Variants in PDZRN4 observed in about 807,000 individuals in gnomAD.
The protein encoded by PDZRN4 is PDZ domain containing ring finger 4, also known as PDZ domain-containing RING finger protein 4.
A neutral mutation model predicts 99.0 loss-of-function variants in PDZRN4; 70 were observed. That is an observed-to-expected ratio of 0.71 (90% confidence interval 0.58 to 0.86). The LOEUF (loss-of-function observed/expected upper bound fraction) is 0.86. Among genes scored for constraint, PDZRN4 ranks in the 40% least tolerant of loss-of-function variants. PDZRN4 has a pLI of 0.00. For missense variants in PDZRN4, 1,474 were observed against 1,331.2 expected (o/e 1.11, Z -1.67); for synonymous variants, 551 against 501.6 (o/e 1.10, Z -1.32).
chr12:41,348,613 G>T (rs1351445425), intron 3 of PDZRN4, among the ~76,000 whole-genome samples: 4 of 152,092 alleles, frequency 2.6e-5, no homozygotes, highest in African/African-American at 7.2e-5. Context: ...TTGAATACAT[G>T]TCTTTTTAAT....
intron 3 of PDZRN4, among the ~76,000 whole-genome samples, chr12:41,405,984 A>C (rs891524997): frequency 1.3e-5 from 2 of 152,054 alleles, no homozygotes; most frequent in African/African-American, 4.8e-5. Context: ...GGGTTGAAAA[A>C]CTACCTGTTG....
chr12:41,370,178 T>C (rs1312044178), intron 3 of PDZRN4, among the ~76,000 whole-genome samples: 5 of 151,974 alleles, frequency 3.3e-5, no homozygotes, highest in Non-Finnish European at 7.4e-5. Context: ...TTTGCACTTA[T>C]TGTTGCTTCT....
intron 5 of PDZRN4, among the ~76,000 whole-genome samples, chr12:41,528,151 G>A (rs1443336239): frequency 6.6e-6 from 1 of 152,124 alleles, no homozygotes; most frequent in Non-Finnish European, 1.5e-5. Context: ...CATGGATGGT[G>A]TCTGAGGAAT....
chr12:41,205,078 GA>G (rs1374549801), intron 3 of PDZRN4, among the ~76,000 whole-genome samples: 1 of 151,772 alleles, frequency 6.6e-6, no homozygotes, highest in Admixed American at 6.6e-5. Flanking sequence ...AGAAGAAAAT[GA>G]AATAAAATGA....
chr12:41,495,145 G>C (rs1937971849), intron 3 of PDZRN4, among the ~76,000 whole-genome samples: 1 of 152,094 alleles, frequency 6.6e-6, no homozygotes, highest in Non-Finnish European at 1.5e-5. Context: ...ATGTGTGTGT[G>C]TGTGAAAAAG....
chr12:41,267,710 G>A (rs532665515), intron 3 of PDZRN4, among the ~76,000 whole-genome samples: 20 of 151,814 alleles, frequency 1.3e-4, no homozygotes, highest in African/African-American at 4.1e-4. Flanking sequence ...GTATGGTGGC[G>A]GATGCCTGTA....
chr12:41,453,719 T>A (rs1337900761), intron 3 of PDZRN4, among the ~76,000 whole-genome samples: 1 of 152,118 alleles, frequency 6.6e-6, no homozygotes. Context: ...TTAAAATTGA[T>A]GGGAGAGAAC....
chr12:41,189,546 C>T (rs1164148409), intron 1 of PDZRN4, among the ~76,000 whole-genome samples: 1 of 152,154 alleles, frequency 6.6e-6, no homozygotes, highest in Non-Finnish European at 1.5e-5. Context: ...AGCATCCCCG[C>T]GGCCCTGGCA....
At chr12:41,382,877 A>G (rs1381035710) in intron 3 of PDZRN4, among the ~76,000 whole-genome samples, 1 of 152,248 alleles carries the variant, frequency 6.6e-6, no homozygotes, top group African/African-American at 2.4e-5. Flanking sequence ...TAACAAATGC[A>G]TTATACTGAT....
intron 3 of PDZRN4, among the ~76,000 whole-genome samples, chr12:41,453,431 G>A (rs879860483): frequency 6.6e-6 from 1 of 152,198 alleles, no homozygotes; most frequent in Non-Finnish European, 1.5e-5. Flanking sequence ...CTGGAATTAA[G>A]AGTGTGTCAT....
intron 3 of PDZRN4, among the ~76,000 whole-genome samples, chr12:41,453,648 C>A (rs1300637310): frequency 1.3e-5 from 2 of 152,140 alleles, no homozygotes; most frequent in African/African-American, 4.8e-5. Flanking sequence ...CTAGTGGCTT[C>A]AAATGTACTC....
intron 3 of PDZRN4, among the ~76,000 whole-genome samples, chr12:41,247,840 A>G (rs551180647): frequency 6.6e-6 from 1 of 152,322 alleles, no homozygotes; most frequent in Non-Finnish European, 1.5e-5. Context: ...ATTTTAAAAG[A>G]TCTATGCTCA....
At chr12:41,343,202 C>T (rs1752908181) in intron 3 of PDZRN4, among the ~76,000 whole-genome samples, 1 of 151,772 alleles carries the variant, frequency 6.6e-6, no homozygotes, top group Non-Finnish European at 1.5e-5. Flanking sequence ...GGAATTTATC[C>T]ATTTCCTCTA....
At chr12:41,197,957 T>G (rs1388984918) in intron 3 of PDZRN4, among the ~76,000 whole-genome samples, 3 of 102,596 alleles carry the variant, frequency 2.9e-5, no homozygotes, top group Non-Finnish European at 5.8e-5. Context: ...CTCTGTCACC[T>G]AGGCTGGAAT....
At chr12:41,398,139 A>T (rs914782817) in intron 3 of PDZRN4, among the ~76,000 whole-genome samples, 5 of 152,074 alleles carry the variant, frequency 3.3e-5, no homozygotes, top group African/African-American at 1.2e-4. Context: ...TTACTAATCT[A>T]CTCTCAATAT....
chr12:41,383,704 C>T (rs1435851198), intron 3 of PDZRN4, among the ~76,000 whole-genome samples: 1 of 152,046 alleles, frequency 6.6e-6, no homozygotes, highest in African/African-American at 2.4e-5. Flanking sequence ...AAATGTTTCC[C>T]CATAAGTTTT....
At chr12:41,244,552 C>A (rs888381787) in intron 3 of PDZRN4, among the ~76,000 whole-genome samples, 1 of 152,190 alleles carries the variant, frequency 6.6e-6, no homozygotes, top group Non-Finnish European at 1.5e-5. Context: ...CTTACTCCAC[C>A]CTTGCCAAAC....
chr12:41,380,674 T>C (rs1952118199), intron 3 of PDZRN4, among the ~76,000 whole-genome samples: 1 of 152,124 alleles, frequency 6.6e-6, no homozygotes, highest in African/African-American at 2.4e-5. Flanking sequence ...ATTTGTTTTA[T>C]TGTGTGTCCA....
Position 41,304,179 on chromosome 12 carries a change from A to G in PDZRN4, c.843+109991A>G, listed in dbSNP as rs577859718. Among the ~76,000 whole-genome samples, 4 of 152,308 alleles carry G rather than the reference A, an allele frequency of 2.6e-5. No individual in the cohort carries two copies. The East Asian group carries it at 7.7e-4, about 29-fold the overall frequency. ...AAGCATGGAAGAGTATGCTGTTTACATACTTTCGAGTTTACAAAGTGCTTT... is the reference window on the plus strand; with the variant it reads ...AAGCATGGAAGAGTATGCTGTTTACGTACTTTCGAGTTTACAAAGTGCTTT... On this transcript the variant is annotated intron_variant, in intron 3 of 9. Transcript: ENST00000402685.
Sources: allele counts gnomAD v4.1 joint callset (sites outside exome capture counted in the v4.1 genomes callset), GRCh38; gene constraint gnomAD v4.1.1; transcripts MANE v1.5; gene names NCBI Gene and HGNC (gene_info 2026-07-23, HGNC 2026-07-21).